The following PCYT2 variants were observed in gnomAD, a reference collection of about 807,000 sequenced individuals.
PCYT2 encodes the protein phosphate cytidylyltransferase 2, ethanolamine.
PCYT2 carries 33 observed loss-of-function variants against 50.0 expected under a neutral mutation model. The ratio of observed to expected loss-of-function variants is 0.66; its 90% CI spans 0.50 to 0.88. The LOEUF (loss-of-function observed/expected upper bound fraction) is 0.88, where lower values mean the gene tolerates loss of function less well. Among genes scored for constraint, PCYT2 ranks in the 40% least tolerant of loss-of-function variants. The pLI is 0.00. For synonymous variants in PCYT2, 240 were observed against 203.7 expected, an observed-to-expected ratio of 1.18 and a Z score of -1.52; for missense variants, 430 against 519.7, an observed-to-expected ratio of 0.83 and a Z score of 1.68.
chr17:81,907,726 C>T (rs1315378487), intron 5 of PCYT2, 47 bp downstream of exon 5: 1 of 1,602,260 alleles, frequency 6.2e-7, no homozygotes, highest in Non-Finnish European at 8.5e-7. Context: ...CTCCTTTCCC[C>T]TGGAGACCTC....
chr17:81,902,632 C>T lies in PCYT2; in HGVS notation c.*2201G>A. ...GCCTGCCCCCCAGGCTGTGTGCGTC[C>T]AGGACGTCGCCCCAAACCTGCAGAG... On this transcript the variant is annotated 3_prime_UTR_variant, in exon 13 of 13. Coordinates refer to ENST00000538936, the MANE Select transcript of PCYT2 (RefSeq NM_002861.5). 1 of 1,597,804 alleles carries T rather than the reference C, an allele frequency of 6.3e-7. No homozygotes were observed. The highest frequency in any genetic ancestry group is 1.1e-5 in the South Asian group (1 of 89,092).
rs1223425798 is a variant in PCYT2 at position 81,906,886 on chromosome 17, G to A, written c.550C>T (p.Arg184Trp). ...ADSFGKCPGG[R>W]NPWTGVSQFL... Reference sequence around the variant, plus strand: ...TGGGATACCCCGGTCCAGGGGTTCCGCCCACCAGGGCACTGCAAGCCAAGA... The same window carrying A: ...TGGGATACCCCGGTCCAGGGGTTCCACCCACCAGGGCACTGCAAGCCAAGA... The change falls in exon 7 of 13, where the codon CGG becomes TGG. Residue 184 changes from arginine to tryptophan, a missense_variant. Transcript: ENST00000538936. 1.4e-5 allele frequency: 22 copies of A among 1,612,796 alleles called. No individual in the cohort carries two copies. Among genetic ancestry groups the A allele is most frequent in the East Asian group, 4.5e-5 (2 of 44,890 alleles).
chr17:81,906,012 C>T, intron 9 of PCYT2, 88 bp downstream of exon 9: 2 of 1,226,456 alleles, frequency 1.6e-6, no homozygotes, highest in Non-Finnish European at 1.1e-6. Flanking sequence ...ACCCAAGCCC[C>T]CCTGCCCTGG....
intron 11 of PCYT2, 26 bp downstream of exon 11, chr17:81,905,356 G>A (rs1170234138): frequency 1.9e-6 from 3 of 1,545,372 alleles, no homozygotes; most frequent in Non-Finnish European, 1.8e-6. Context: ...CAACCCCTGT[G>A]CCCAGCAAGG....
chr17:81,902,490 C>T lies in PCYT2; in HGVS notation c.*2343G>A. On this transcript the variant is annotated 3_prime_UTR_variant, in exon 13 of 13. Transcript: ENST00000538936. ...AACCCCCGGGCGGGGCCGGCGCCTCCCCGGAGCTGCAACTGCACCCCAGGC... is the reference window on the plus strand; with the variant it reads ...AACCCCCGGGCGGGGCCGGCGCCTCTCCGGAGCTGCAACTGCACCCCAGGC... 7.1e-7 allele frequency: 1 copy of T among 1,410,496 alleles called. No individual in the cohort carries two copies. The highest frequency in any genetic ancestry group is 2.2e-4 in the Middle Eastern group (1 of 4,446). 87.4% of individuals were successfully genotyped at this position (1,410,496 alleles called of 1,614,324 possible). A position where few individuals can be genotyped will look rare whatever the true frequency, so the allele number is the denominator to read the frequency against.
At chr17:81,905,333 G>A (rs1264523464) in intron 11 of PCYT2, 49 bp downstream of exon 11, 3 of 1,493,418 alleles carry the variant, frequency 2.0e-6, no homozygotes, top group Non-Finnish European at 2.7e-6. Context: ...AAATGGCTGG[G>A]AGGTGCCAAT....
rs558554720 is a variant in PCYT2, at chr17:81,902,562, C to T, written c.*2271G>A. The stretch of plus-strand genomic sequence containing the variant: ...CGTGCCGGGGACTGATGGGGGGCGG[C>T]GGCAGGACGTGGGTGGGGGTGCGGC... On this transcript the variant is annotated 3_prime_UTR_variant, in exon 13 of 13. Transcript: ENST00000538936. The T allele has an allele frequency of 3.3e-6, 5 of 1,497,260 alleles. No homozygotes were observed. The highest frequency in any genetic ancestry group is 4.4e-6 in the Non-Finnish European group (5 of 1,128,676). The allele number at this position is 1,497,260 out of a possible 1,614,324, so 92.7% of individuals were successfully genotyped here. A position where few individuals can be genotyped will look rare whatever the true frequency, so the allele number is the denominator to read the frequency against.
intron 1 of PCYT2, among the ~76,000 whole-genome samples, chr17:81,910,084 C>T (rs2040497358): frequency 6.6e-6 from 1 of 152,240 alleles, no homozygotes; most frequent in Non-Finnish European, 1.5e-5. Flanking sequence ...CCCTGGGAAT[C>T]ACTGGCCCTG....
chr17:81,908,260 T>C (rs1177861845), intron 4 of PCYT2, among the ~76,000 whole-genome samples: 1 of 152,200 alleles, frequency 6.6e-6, no homozygotes, highest in African/African-American at 2.4e-5. Flanking sequence ...CCCTGACGTC[T>C]GGTAATTCAG....
At position 81,909,173 on chromosome 17, in the gene PCYT2, G is replaced by A. The variant is rs113876509; in HGVS notation, c.179-136C>T. The A allele has an allele frequency of 2.0e-4, 295 of 1,469,008 alleles. No homozygotes were observed. The African/African-American group carries it at 3.9e-3, about 20-fold the overall frequency. 91.0% of individuals were successfully genotyped at this position (1,469,008 alleles called of 1,614,324 possible). ...GGCTGTCTCTCTACCCTGGCCCTTA[G>A]CCCACTAGTGCTGGCCAACTGGGTG... is the stretch of plus-strand genomic sequence containing the variant. On this transcript the variant is annotated intron_variant, in intron 2 of 12. Transcript: ENST00000538936.
rs1203624407 is a variant in PCYT2, at chr17:81,904,898, C to G, written c.1105G>C (p.Ala369Pro). Residue 369 changes from alanine to proline, a missense_variant, in exon 13 of 13, where the codon GCC (alanine) becomes CCC (proline). This residue lies in a region of PCYT2 where 248 missense variants were observed against 300.2 expected (regional missense o/e 0.83). Coordinates refer to ENST00000538936, the MANE Select transcript of PCYT2 (RefSeq NM_002861.5). ...RNQKKEAKELAFLEAARQQAA... is the reference protein window; with the variant it reads ...RNQKKEAKELPFLEAARQQAA... ...TGCTGCCTGGCAGCCTCCAGGAAGG[C>G]CAGCTCCTTGGCTTCCTTCTTCTGG... 1 of 1,613,012 alleles carries G rather than the reference C, an allele frequency of 6.2e-7. No homozygotes were observed. The highest frequency in any genetic ancestry group is 8.5e-7 in the Non-Finnish European group (1 of 1,179,854).
chr17:81,911,225 C>T (rs1417696087), intron 1 of PCYT2, 42 bp downstream of exon 1: 2 of 1,028,944 alleles, frequency 1.9e-6, no homozygotes, highest in East Asian at 8.9e-5. Flanking sequence ...GGAAGGAAGC[C>T]GGCCCCGGCG....
Position 81,906,497 on chromosome 17 carries a change from C to T in PCYT2, c.726G>A (p.Arg242=), listed in dbSNP as rs775934392. The change falls in exon 8 of 13, where the codon AGG becomes AGA. Residue 242 remains arginine (R), a synonymous_variant. Transcript: ENST00000538936. Reference sequence around the variant, plus strand: ...AGTGTAAGCCCGCGATGATGTAGGGCCTCTCTGCCAGCCTGTGCACCTTCT... The same window carrying T: ...AGTGTAAGCCCGCGATGATGTAGGGTCTCTCTGCCAGCCTGTGCACCTTCT... ...FLEKVHRLAE[R]PYIIAGLHFD... is the part of the protein sequence containing the mutation. The T allele has an allele frequency of 4.3e-6, 7 of 1,613,426 alleles. No individual in the cohort carries two copies. The highest frequency in any genetic ancestry group is 1.3e-5 in the African/African-American group (1 of 74,924).
intron 1 of PCYT2, 193 bp downstream of exon 1, chr17:81,911,074 C>T (rs1468666414): frequency 2.0e-6 from 2 of 1,001,942 alleles, no homozygotes; most frequent in Non-Finnish European, 2.4e-6. Context: ...GACGGGGTCG[C>T]CCACGGCAGG....
At chr17:81,909,183 G>C (rs1249817879) in intron 2 of PCYT2, 146 bp from the exon 3 acceptor site, 1 of 1,460,202 alleles carries the variant, frequency 6.8e-7, no homozygotes, top group East Asian at 2.4e-5. Context: ...GCCCACTAGT[G>C]CTGGCCAACT....
rs1018389714 is a variant in PCYT2, at chr17:81,908,474, C to A, written c.407+94G>T. Reference sequence around the variant, plus strand: ...GAACATGGCCCAGGGCCTGGACGCTCCCCTCACGGGCTCCCGGTAAATAGC... The same window carrying A: ...GAACATGGCCCAGGGCCTGGACGCTACCCTCACGGGCTCCCGGTAAATAGC... On this transcript the variant is annotated intron_variant, in intron 4 of 12. Transcript: ENST00000538936. 17 of 928,396 alleles carry A rather than the reference C, an allele frequency of 1.8e-5. No individual in the cohort carries two copies. In the African/African-American group the frequency reaches 2.5e-4, roughly 13 times the overall value. 57.5% of individuals were successfully genotyped at this position (928,396 alleles called of 1,614,324 possible).
chr17:81,907,700 G>C, intron 5 of PCYT2, 73 bp downstream of exon 5: 1 of 1,593,366 alleles, frequency 6.3e-7, no homozygotes, highest in Non-Finnish European at 8.6e-7. Context: ...GACCCTGAGA[G>C]GGCAGGGAGG....
chr17:81,902,722 C>A lies in PCYT2; in HGVS notation c.*2111G>T. 6.2e-7 allele frequency: 1 copy of A among 1,608,100 alleles called. No homozygotes were observed. Among genetic ancestry groups the A allele is most frequent in the East Asian group, 2.2e-5 (1 of 44,652 alleles). On this transcript the variant is annotated 3_prime_UTR_variant, in exon 13 of 13. Transcript: ENST00000538936. ...CAAGGCGAACGTCTTCCTGTCCCTGCGCGCAGCCGACTGCCTCGCCGCCTG... is the reference window on the plus strand; with the variant it reads ...CAAGGCGAACGTCTTCCTGTCCCTGAGCGCAGCCGACTGCCTCGCCGCCTG...
intron 3 of PCYT2, 84 bp downstream of exon 3, chr17:81,908,792 C>A: frequency 7.0e-7 from 1 of 1,424,730 alleles, no homozygotes. Context: ...GCGGAGGCCC[C>A]CTGTTCCCGG....
Sources: allele counts gnomAD v4.1 joint callset (sites outside exome capture counted in the v4.1 genomes callset), GRCh38; gene constraint gnomAD v4.1.1; regional missense constraint gnomAD v4.1.1; transcripts MANE v1.5; gene names NCBI Gene and HGNC (gene_info 2026-07-23, HGNC 2026-07-21).